Variants in DUSP10 observed in about 807,000 individuals in gnomAD.
DUSP10 encodes dual specificity phosphatase 10.
Under a neutral mutation model 30.8 loss-of-function variants are expected in DUSP10, and 14 were observed. That is an observed-to-expected ratio of 0.46 (90% CI 0.30 to 0.71). The LOEUF is 0.71. Ranked by LOEUF, DUSP10 falls within the 30% of genes least tolerant of loss-of-function variation. DUSP10 has a pLI of 0.08. For synonymous variants in DUSP10, 254 were observed against 250.4 expected, an observed-to-expected ratio of 1.01 and a Z score of -0.14; for missense variants, 550 against 619.4, an observed-to-expected ratio of 0.89 and a Z score of 1.19.
Position 221,706,067 on chromosome 1 carries a change from A to G in DUSP10, c.1183+28T>C, listed in dbSNP as rs1202297752. 6 of 1,593,910 alleles carry G rather than the reference A, an allele frequency of 3.8e-6. No homozygotes were observed. Among genetic ancestry groups the G allele is most frequent in the South Asian group, 1.1e-5 (1 of 89,116 alleles). ...GCTGGAGGGAAAAGGAAGGCAGCGG[A>G]TGAAAATTCCCTATGGGAGATAGTT... On this transcript the variant is annotated intron_variant, in intron 3 of 3. Transcript: ENST00000366899. The surrounding 1 kb of genome is among the most constrained non-coding windows in gnomAD (Gnocchi z 4.6).
In DUSP10 at chr1:221,720,649, G is replaced by C. The variant is rs560181866; in HGVS notation, c.812-14183C>G. ...AATTAAGTTGCAAGACATTCTGCTA[G>C]TGTCTGCTGGAAGACTGCTCTGTGT... On this transcript the variant is annotated intron_variant, in intron 2 of 3. Coordinates refer to ENST00000366899, the MANE Select transcript of DUSP10 (RefSeq NM_007207.6). Among the ~76,000 whole-genome samples the C allele has an allele frequency of 2.0e-5, 3 of 152,316 alleles. No individual in the cohort carries two copies. In the South Asian group the frequency reaches 6.2e-4, roughly 32 times the overall value.
intron 2 of DUSP10, among the ~76,000 whole-genome samples, chr1:221,727,761 T>TA (rs1661466776): frequency 6.6e-6 from 1 of 152,196 alleles, no homozygotes; most frequent in Non-Finnish European, 1.5e-5. Context: ...TATTTCAGAA[T>TA]AAAAAATGCT....
intron 2 of DUSP10, among the ~76,000 whole-genome samples, chr1:221,709,749 G>C (rs1217198210): frequency 6.6e-6 from 1 of 152,056 alleles, no homozygotes; most frequent in Non-Finnish European, 1.5e-5. Context: ...CTTGGGGAAG[G>C]GTTGAAATTG....
chr1:221,729,476 T>C lies in DUSP10; in HGVS notation c.811+9458A>G, dbSNP rs570741433. Among the ~76,000 whole-genome samples the C allele has an allele frequency of 5.3e-5, 8 of 152,358 alleles. No individual in the cohort carries two copies. In the South Asian group the frequency reaches 1.2e-3, roughly 24 times the overall value. ...ATCATAAGAACTGGATTTCAATCCT[T>C]ATTCTCTCATTTACTAGTTAATAAC... is the stretch of plus-strand genomic sequence containing the variant. On this transcript the variant is annotated intron_variant, in intron 2 of 3. Transcript: ENST00000366899.
intron 2 of DUSP10, among the ~76,000 whole-genome samples, chr1:221,722,271 T>C (rs1232275400): frequency 6.6e-6 from 1 of 152,232 alleles, no homozygotes; most frequent in Non-Finnish European, 1.5e-5. Context: ...TTGAAGCCTC[T>C]GGTATTCTGG....
Position 221,739,725 on chromosome 1 carries a change from T to C in DUSP10, c.20A>G (p.Asp7Gly). The change falls in exon 2 of 4, where the codon GAC (aspartate) becomes GGC (glycine). Residue 7 changes from aspartate to glycine, a missense_variant. Asp to Gly is a moderately conservative substitution (Grantham distance 94). Transcript: ENST00000366899. ...AGATAGTGCCACTACTACCCTGTCGTCTAAAGGAGACGGAGGCATGAGGAG... is the reference window on the plus strand; with the variant it reads ...AGATAGTGCCACTACTACCCTGTCGCCTAAAGGAGACGGAGGCATGAGGAG... Reference protein sequence around the residue: MPPSPLDDRVVVALSRP... With the variant: MPPSPLGDRVVVALSRP... 1 of 1,600,528 alleles carries C rather than the reference T, an allele frequency of 6.2e-7. No homozygotes were observed. The highest frequency in any genetic ancestry group is 8.5e-7 in the Non-Finnish European group (1 of 1,171,288).
chr1:221,738,754 C>T (rs981402343), intron 2 of DUSP10, among the ~76,000 whole-genome samples, 180 bp downstream of exon 2: 1 of 152,208 alleles, frequency 6.6e-6, no homozygotes, highest in Non-Finnish European at 1.5e-5. Flanking sequence ...GCTTCCAGTT[C>T]AGTGCTGCTG....
chr1:221,702,451 G>A lies in DUSP10; in HGVS notation c.1410C>T (p.Ile470=). The A allele has an allele frequency of 6.2e-7, 1 of 1,614,084 alleles. No homozygotes were observed. Among genetic ancestry groups the A allele is most frequent in the Non-Finnish European group, 8.5e-7 (1 of 1,180,048 alleles). ...EDLNNGVTPR[I]LTPKLMGVET... ...CCACGCCCATCAGCTTTGGTGTAAGGATTCTCGGTGTCACACCGTTGTTTA... is the reference window on the plus strand; with the variant it reads ...CCACGCCCATCAGCTTTGGTGTAAGAATTCTCGGTGTCACACCGTTGTTTA... The change falls in exon 4 of 4, where the codon ATC becomes ATT. Residue 470 remains isoleucine, a synonymous_variant. Coordinates refer to ENST00000366899, the MANE Select transcript of DUSP10 (RefSeq NM_007207.6). The surrounding 1 kb of genome is among the most constrained non-coding windows in gnomAD (Gnocchi z 4.5).
At position 221,706,002 on chromosome 1, in the gene DUSP10, CA is replaced by C; in HGVS notation, c.1183+92del. On this transcript the variant is annotated intron_variant, in intron 3 of 3. Transcript: ENST00000366899. The surrounding 1 kb of genome is among the most constrained non-coding windows in gnomAD (Gnocchi z 4.6). ...AAACTCCAGGGCAGCTTTTCTTTTC[CA>C]ACACAGGAATAAACCTTGAACTTGA... 1 of 1,511,552 alleles carries C rather than the reference CA, an allele frequency of 6.6e-7. No homozygotes were observed. The highest frequency in any genetic ancestry group is 1.3e-5 in the South Asian group (1 of 74,256). 93.6% of individuals were successfully genotyped at this position (1,511,552 alleles called of 1,614,324 possible).
Position 221,735,506 on chromosome 1 carries a change from T to C in DUSP10, c.811+3428A>G, listed in dbSNP as rs139061712. On this transcript the variant is annotated intron_variant, in intron 2 of 3. Transcript: ENST00000366899. Reference sequence around the variant, plus strand: ...CTTTATTGAATTTGAAACATTAATTTACACATTAAACATACTTAAATACAT... The same window carrying C: ...CTTTATTGAATTTGAAACATTAATTCACACATTAAACATACTTAAATACAT... Among the ~76,000 whole-genome samples the C allele has an allele frequency of 4.7e-3, 712 of 152,348 alleles. 7 individuals carry two copies. The highest frequency in any genetic ancestry group is 4.6e-3 in the Non-Finnish European group (312 of 68,032).
chr1:221,719,124 G>A (rs1321464272), intron 2 of DUSP10, among the ~76,000 whole-genome samples: 2 of 152,212 alleles, frequency 1.3e-5, no homozygotes, highest in African/African-American at 4.8e-5. Flanking sequence ...GTAGGATCTG[G>A]AGGTCAAAGA....
At chr1:221,718,753 C>G (rs537472598) in intron 2 of DUSP10, among the ~76,000 whole-genome samples, 8 of 152,240 alleles carry the variant, frequency 5.3e-5, no homozygotes, top group Non-Finnish European at 1.2e-4. Flanking sequence ...CAACATTTAT[C>G]TTAGACCCCA....
Position 221,738,905 on chromosome 1 carries a change from C to T in DUSP10, c.811+29G>A, listed in dbSNP as rs115597531. ...CAAAGTGAACCCGGCTAATCAGGAC[C>T]GTGCTTGGGAAGGGAGCAGGGGCAT... On this transcript the variant is annotated intron_variant, in intron 2 of 3. Coordinates refer to ENST00000366899, the MANE Select transcript of DUSP10 (RefSeq NM_007207.6). 1,462 of 1,568,322 alleles carry T rather than the reference C, an allele frequency of 9.3e-4. 16 individuals are homozygous for T. The African/African-American group carries it at 0.017, about 19-fold the overall frequency.
At chr1:221,720,068 C>CTGTA (rs367815719) in intron 2 of DUSP10, among the ~76,000 whole-genome samples, 363 of 152,310 alleles carry the variant, frequency 2.4e-3, no homozygotes, top group African/African-American at 7.5e-3. Context: ...AACTCCCTTC[C>CTGTA]TGTAGATCCT....
intron 2 of DUSP10, among the ~76,000 whole-genome samples, chr1:221,730,799 GA>G (rs899450434): frequency 2.0e-5 from 3 of 151,152 alleles, no homozygotes; most frequent in Admixed American, 6.6e-5. Context: ...GGACTGGAAT[GA>G]AAAAAAATTA....
chr1:221,706,542 G>A lies in DUSP10; in HGVS notation c.812-76C>T. 1 of 1,207,072 alleles carries A rather than the reference G, an allele frequency of 8.3e-7. No homozygotes were observed. Among genetic ancestry groups the A allele is most frequent in the East Asian group, 2.6e-5 (1 of 38,494 alleles). 74.8% of individuals were successfully genotyped at this position (1,207,072 alleles called of 1,614,324 possible). A position where few individuals can be genotyped will look rare whatever the true frequency, so the allele number is the denominator to read the frequency against. ...GAGAATGCCACCTCCCCATTAGAAT[G>A]AGTTTGCATTGTAGCTCATGCATAT... On this transcript the variant is annotated intron_variant, in intron 2 of 3. Coordinates refer to ENST00000366899, the MANE Select transcript of DUSP10 (RefSeq NM_007207.6). The surrounding 1 kb of genome is among the most constrained non-coding windows in gnomAD (Gnocchi z 4.6).
At chr1:221,713,950 G>A (rs982979186) in intron 2 of DUSP10, among the ~76,000 whole-genome samples, 5 of 152,148 alleles carry the variant, frequency 3.3e-5, no homozygotes, top group African/African-American at 9.7e-5. Context: ...AGTGATAAAT[G>A]ATAGGCTGAA....
chr1:221,727,882 C>T (rs1276561184), intron 2 of DUSP10, among the ~76,000 whole-genome samples: 2 of 152,128 alleles, frequency 1.3e-5, no homozygotes, highest in Non-Finnish European at 2.9e-5. Context: ...GACCTTACTG[C>T]TATGGTTTGA....
chr1:221,720,134 G>A (rs1558121506), intron 2 of DUSP10, among the ~76,000 whole-genome samples: 1 of 152,146 alleles, frequency 6.6e-6, no homozygotes, highest in African/African-American at 2.4e-5. Context: ...CCTGGTTCCT[G>A]TAGCATAGCT....
Sources: allele counts gnomAD v4.1 joint callset (sites outside exome capture counted in the v4.1 genomes callset), GRCh38; gene constraint gnomAD v4.1.1; non-coding constraint Gnocchi (gnomAD v3.1); transcripts MANE v1.5; gene names NCBI Gene and HGNC (gene_info 2026-07-23, HGNC 2026-07-21).